SLC24A2: variants seen among roughly 807,000 people sequenced by gnomAD.
The protein encoded by SLC24A2 is sodium/potassium/calcium exchanger 2.
A neutral mutation model predicts 62.0 loss-of-function variants in SLC24A2; 36 were observed. That is an observed-to-expected ratio of 0.58 (90% CI 0.44 to 0.77). SLC24A2 has a LOEUF of 0.77. Among genes scored for constraint, SLC24A2 ranks in the 30% least tolerant of loss-of-function variants. The pLI is 0.00. For missense variants in SLC24A2, 846 were observed against 817.9 expected, an observed-to-expected ratio of 1.03 and a Z score of -0.42; for synonymous variants, 358 against 294.0, an observed-to-expected ratio of 1.22 and a Z score of -2.23.
At chr9:20,045,864 C>A in the SLC24A2 span, among the ~76,000 whole-genome samples, 7 of 152,096 alleles carry the variant, frequency 4.6e-5, no homozygotes, top group African/African-American at 1.7e-4. Flanking sequence ...AAGGTGTGAG[C>A]GGTCAAGTGT....
the SLC24A2 span, among the ~76,000 whole-genome samples, chr9:20,215,432 G>A: frequency 1.3e-5 from 2 of 151,568 alleles, no homozygotes; most frequent in South Asian, 2.1e-4. Context: ...AGACTCACAA[G>A]AACAAAGTTA....
At chr9:19,891,273 C>G in the SLC24A2 span, among the ~76,000 whole-genome samples, 5 of 152,218 alleles carry the variant, frequency 3.3e-5, no homozygotes, top group Non-Finnish European at 7.3e-5. Context: ...TAGGTCAGAG[C>G]ATGTCACTGT....
chr9:20,287,005 C>T, the SLC24A2 span, among the ~76,000 whole-genome samples: 1 of 152,100 alleles, frequency 6.6e-6, no homozygotes, highest in Non-Finnish European at 1.5e-5. Context: ...ATTCCTTGAC[C>T]CTACCCCAGG....
intron 5 of SLC24A2, among the ~76,000 whole-genome samples, chr9:19,590,319 C>A (rs1256572524): frequency 1.3e-5 from 2 of 152,282 alleles, no homozygotes; most frequent in African/African-American, 4.8e-5. Context: ...CCCACTCCTG[C>A]CAACAGTAAA....
At chr9:19,723,898 T>C (rs1821099095) in intron 2 of SLC24A2, among the ~76,000 whole-genome samples, 1 of 152,156 alleles carries the variant, frequency 6.6e-6, no homozygotes, top group Non-Finnish European at 1.5e-5. Context: ...CTGAGTGCTG[T>C]ATAAGGTATG....
the SLC24A2 span, among the ~76,000 whole-genome samples, chr9:19,836,277 A>G: frequency 6.2e-4 from 94 of 152,346 alleles, no homozygotes; most frequent in African/African-American, 2.0e-3. Flanking sequence ...CAAAAAATCA[A>G]TGAATCCAGG....
At chr9:20,237,663 C>G in the SLC24A2 span, among the ~76,000 whole-genome samples, 162 of 152,294 alleles carry the variant, frequency 1.1e-3, no homozygotes, top group African/African-American at 3.5e-3. Context: ...TCACCTGGCA[C>G]TGGGAAGCAC....
upstream of SLC24A2, among the ~76,000 whole-genome samples, chr9:19,789,581 C>T (rs1157362009): frequency 6.6e-6 from 1 of 152,166 alleles, no homozygotes; most frequent in African/African-American, 2.4e-5. Context: ...ACCCAAAACC[C>T]CGTGTCATTT....
chr9:19,666,892 C>T (rs1385354755), intron 2 of SLC24A2, among the ~76,000 whole-genome samples: 1 of 152,122 alleles, frequency 6.6e-6, no homozygotes, highest in Non-Finnish European at 1.5e-5. Context: ...AGTGTTCCCA[C>T]CATGACAAGT....
chr9:20,156,589 T>A, the SLC24A2 span, among the ~76,000 whole-genome samples: 4 of 151,698 alleles, frequency 2.6e-5, no homozygotes, highest in Non-Finnish European at 5.9e-5. Flanking sequence ...CCAAGGCACA[T>A]ATGTTGCTAA....
chr9:19,618,390 C>T (rs1817823063), intron 4 of SLC24A2, among the ~76,000 whole-genome samples: 1 of 152,174 alleles, frequency 6.6e-6, no homozygotes, highest in African/African-American at 2.4e-5. Context: ...AAACAGATCC[C>T]AGGACCTGTG....
chr9:19,524,137 CAAAAA>C (rs57173482), intron 9 of SLC24A2, among the ~76,000 whole-genome samples: 1,525 of 84,730 alleles, frequency 0.018, 28 homozygotes, highest in African/African-American at 0.053. Flanking sequence ...ACTTCATTTT[CAAAAA>C]AAAAAAAAAA....
chr9:20,121,949 G>A, the SLC24A2 span, among the ~76,000 whole-genome samples: 1 of 152,114 alleles, frequency 6.6e-6, no homozygotes, highest in Admixed American at 6.5e-5. Context: ...AGAATGAACG[G>A]AAGATTGCTT....
At chr9:19,893,543 A>G in the SLC24A2 span, among the ~76,000 whole-genome samples, 1 of 152,198 alleles carries the variant, frequency 6.6e-6, no homozygotes, top group South Asian at 2.1e-4. Flanking sequence ...TGTTAATACT[A>G]CTGGATATCT....
the SLC24A2 span, among the ~76,000 whole-genome samples, chr9:20,177,318 CG>C: frequency 6.6e-6 from 1 of 152,046 alleles, no homozygotes; most frequent in Non-Finnish European, 1.5e-5. Context: ...CTGTTATTAC[CG>C]TATTTACTTC....
chr9:19,648,506 C>T (rs1276796042), intron 2 of SLC24A2, among the ~76,000 whole-genome samples: 2 of 152,030 alleles, frequency 1.3e-5, no homozygotes, highest in African/African-American at 4.8e-5. Flanking sequence ...GAACCTACAC[C>T]AACATAATAG....
chr9:19,531,730 G>A (rs1833719929), intron 8 of SLC24A2, among the ~76,000 whole-genome samples: 1 of 114,392 alleles, frequency 8.7e-6, no homozygotes, highest in Admixed American at 1.4e-4. Flanking sequence ...AAGATTTAAA[G>A]TGTGGTCTCT....
chr9:20,127,963 C>G, the SLC24A2 span, among the ~76,000 whole-genome samples: 4 of 152,084 alleles, frequency 2.6e-5, no homozygotes, highest in African/African-American at 9.6e-5. Flanking sequence ...GGGTGCAACA[C>G]AGCCCAAAAT....
chr9:20,288,903 A>G, the SLC24A2 span, among the ~76,000 whole-genome samples: 1 of 152,186 alleles, frequency 6.6e-6, no homozygotes. Flanking sequence ...TGAAGAGGTC[A>G]TATGTAGGTG....
Sources: allele counts gnomAD v4.1 joint callset (sites outside exome capture counted in the v4.1 genomes callset), GRCh38; gene constraint gnomAD v4.1.1; transcripts MANE v1.5; gene names NCBI Gene and HGNC (gene_info 2026-07-23, HGNC 2026-07-21).